Variants in L3MBTL4 observed in about 807,000 individuals in gnomAD.
L3MBTL4 encodes the protein L3MBTL histone methyl-lysine binding protein 4.
A neutral mutation model predicts 84.5 loss-of-function variants in L3MBTL4; 70 were observed. The observed-to-expected ratio is 0.83, with a 90% CI of 0.68 to 1.01. The LOEUF is 1.01. L3MBTL4 is among the 50% of genes least tolerant of loss of function. The pLI is 0.00. For missense variants in L3MBTL4, 715 were observed against 754.8 expected, an observed-to-expected ratio of 0.95 and a Z score of 0.62; for synonymous variants, 274 against 259.8, an observed-to-expected ratio of 1.05 and a Z score of -0.52.
At chr18:6,178,452 A>G (rs2145307306) in intron 12 of L3MBTL4, among the ~76,000 whole-genome samples, 1 of 152,352 alleles carries the variant, frequency 6.6e-6, no homozygotes, top group African/African-American at 2.4e-5. Context: ...AATAGAGGAG[A>G]CTGGCATTTT....
At chr18:6,329,150 TC>T (rs2051884623) in intron 1 of L3MBTL4, among the ~76,000 whole-genome samples, 1 of 147,626 alleles carries the variant, frequency 6.8e-6, no homozygotes, top group Admixed American at 6.7e-5. Flanking sequence ...TTTTTTCTTT[TC>T]TTTTTTTTTT....
At chr18:6,162,410 C>T (rs1353836891) in intron 13 of L3MBTL4, among the ~76,000 whole-genome samples, 2 of 151,914 alleles carry the variant, frequency 1.3e-5, no homozygotes, top group Admixed American at 6.6e-5. Flanking sequence ...AAAAAAAATC[C>T]GAAAGTTAAA....
At chr18:6,267,990 T>C (rs922579945) in intron 4 of L3MBTL4, among the ~76,000 whole-genome samples, 6 of 152,180 alleles carry the variant, frequency 3.9e-5, no homozygotes, top group African/African-American at 1.4e-4. Flanking sequence ...CAGAAAGCAC[T>C]TTAGCTGAAA....
intron 16 of L3MBTL4, among the ~76,000 whole-genome samples, chr18:6,064,214 A>G (rs1200118093): frequency 1.3e-5 from 2 of 152,002 alleles, no homozygotes; most frequent in Non-Finnish European, 2.9e-5. Flanking sequence ...CCATTGTTCT[A>G]CATGCCTATT....
chr18:6,184,717 T>C (rs1568275428), intron 12 of L3MBTL4, among the ~76,000 whole-genome samples: 2 of 152,160 alleles, frequency 1.3e-5, no homozygotes, highest in Non-Finnish European at 2.9e-5. Flanking sequence ...TCCAGCCATA[T>C]TGAGGATGGG....
At chr18:6,294,772 C>G (rs757844409) in intron 4 of L3MBTL4, among the ~76,000 whole-genome samples, 3 of 152,172 alleles carry the variant, frequency 2.0e-5, no homozygotes, top group Non-Finnish European at 2.9e-5. Flanking sequence ...GAGTTCAGCA[C>G]TCTTACTATC....
intron 5 of L3MBTL4, among the ~76,000 whole-genome samples, chr18:6,255,676 C>T (rs552794720): frequency 6.6e-6 from 1 of 151,850 alleles, no homozygotes; most frequent in South Asian, 2.1e-4. Context: ...CAATATAATG[C>T]ACACAGTATT....
intron 1 of L3MBTL4, among the ~76,000 whole-genome samples, chr18:6,384,526 T>G (rs747297808): frequency 2.0e-5 from 3 of 152,204 alleles, no homozygotes; most frequent in Non-Finnish European, 2.9e-5. Flanking sequence ...CAAATAAACT[T>G]ATAAAAACTC....
intron 4 of L3MBTL4, among the ~76,000 whole-genome samples, chr18:6,282,291 ACTAAGT>A (rs1203657003): frequency 6.6e-6 from 1 of 152,210 alleles, no homozygotes; most frequent in East Asian, 1.9e-4. Context: ...TGCAAACCAT[ACTAAGT>A]AAGTGCTTTT....
At chr18:6,295,041 T>C (rs542349189) in intron 4 of L3MBTL4, among the ~76,000 whole-genome samples, 42 of 152,076 alleles carry the variant, frequency 2.8e-4, no homozygotes, top group Non-Finnish European at 4.0e-4. Flanking sequence ...TGGGAAGCCA[T>C]TGTGGACAGT....
At chr18:6,147,201 A>G (rs1357576067) in intron 13 of L3MBTL4, among the ~76,000 whole-genome samples, 1 of 152,154 alleles carries the variant, frequency 6.6e-6, no homozygotes, top group Non-Finnish European at 1.5e-5. Context: ...GGAAATTTGT[A>G]TTATAGTTTG....
chr18:6,037,701 C>T (rs1269178385), intron 16 of L3MBTL4, among the ~76,000 whole-genome samples: 2 of 152,228 alleles, frequency 1.3e-5, no homozygotes, highest in Admixed American at 6.5e-5. Flanking sequence ...TGGTAGAACA[C>T]AAATGTGTAA....
At chr18:6,024,843 G>T (rs2055430760) in intron 16 of L3MBTL4, among the ~76,000 whole-genome samples, 1 of 152,236 alleles carries the variant, frequency 6.6e-6, no homozygotes, top group African/African-American at 2.4e-5. Context: ...TCACACAACA[G>T]GGTGGTTAAT....
intron 4 of L3MBTL4, among the ~76,000 whole-genome samples, chr18:6,298,286 TA>T (rs1198514469): frequency 6.6e-6 from 1 of 152,222 alleles, no homozygotes; most frequent in Non-Finnish European, 1.5e-5. Context: ...TGAGACTAAA[TA>T]TTTTTAATAT....
In L3MBTL4 at chr18:6,171,952, C is replaced by T. The variant is rs201726754; in HGVS notation, c.982-10G>A. On this transcript the variant is annotated splice_polypyrimidine_tract_variant and intron_variant, in intron 12 of 18. Transcript: ENST00000317931. Reference sequence around the variant, plus strand: ...AACCATCAAAATGAACCTGTTAAAACGAGTTTTGAATGATTAGCATTTAGT... The same window carrying T: ...AACCATCAAAATGAACCTGTTAAAATGAGTTTTGAATGATTAGCATTTAGT... 6.2e-5 allele frequency: 87 copies of T among 1,406,606 alleles called. No homozygotes were observed. The highest frequency in any genetic ancestry group is 1.7e-4 in the Admixed American group (8 of 48,244). 87.1% of individuals were successfully genotyped at this position (1,406,606 alleles called of 1,614,324 possible).
intron 10 of L3MBTL4, among the ~76,000 whole-genome samples, chr18:6,232,018 T>C (rs1399077825): frequency 6.6e-6 from 1 of 152,144 alleles, no homozygotes; most frequent in East Asian, 1.9e-4. Flanking sequence ...ATATTCCCTG[T>C]GGGTTTTCAT....
chr18:5,973,554 A>G (rs1019766377), intron 16 of L3MBTL4, among the ~76,000 whole-genome samples: 13 of 152,198 alleles, frequency 8.5e-5, no homozygotes, highest in African/African-American at 3.1e-4. Flanking sequence ...TACAAAGCCC[A>G]GCACGATTTA....
At chr18:6,217,335 G>T (rs1784970825) in intron 10 of L3MBTL4, among the ~76,000 whole-genome samples, 1 of 152,084 alleles carries the variant, frequency 6.6e-6, no homozygotes, top group African/African-American at 2.4e-5. Context: ...CAACCACAGA[G>T]ATTTGTTTTC....
At chr18:6,202,923 A>G (rs1177181342) in intron 12 of L3MBTL4, among the ~76,000 whole-genome samples, 1 of 152,180 alleles carries the variant, frequency 6.6e-6, no homozygotes, top group African/African-American at 2.4e-5. Flanking sequence ...TGGAAAATAT[A>G]AAGTGCTGAA....
Sources: gnomAD v4.1 joint callset for allele counts (sites outside exome capture counted in the v4.1 genomes callset) on GRCh38, gnomAD v4.1.1 for gene constraint, MANE v1.5 for transcripts, NCBI Gene and HGNC (gene_info 2026-07-23, HGNC 2026-07-21) for gene names.